The following MAGI1 variants were observed in gnomAD, a reference collection of about 807,000 sequenced individuals.
MAGI1 encodes membrane-associated guanylate kinase, WW and PDZ domain-containing protein 1.
In MAGI1, 58 loss-of-function variants were observed where a neutral mutation model predicts 139.9. The ratio of observed to expected loss-of-function variants is 0.41; its 90% CI spans 0.34 to 0.52. The LOEUF is 0.52. Among genes scored for constraint, MAGI1 ranks in the 20% least tolerant of loss-of-function variants. MAGI1 has a pLI of 0.12. For missense variants in MAGI1, 1,874 were observed against 1,901.6 expected (o/e 0.99, Z 0.27); for synonymous variants, 812 against 737.9 (o/e 1.10, Z -1.63).
intron 2 of MAGI1, among the ~76,000 whole-genome samples, chr3:65,519,273 T>C (rs974143941): frequency 1.3e-5 from 2 of 151,678 alleles, no homozygotes; most frequent in African/African-American, 4.8e-5. Flanking sequence ...ATAAGGACTT[T>C]GTATCTTATG....
chr3:65,480,463 A>G (rs1951203414), intron 3 of MAGI1, among the ~76,000 whole-genome samples: 1 of 151,948 alleles, frequency 6.6e-6, no homozygotes, highest in Non-Finnish European at 1.5e-5. Flanking sequence ...TAAGCCTGGG[A>G]AGTCAAGGAT....
At chr3:65,740,310 C>A (rs956704450) in intron 1 of MAGI1, among the ~76,000 whole-genome samples, 1 of 152,174 alleles carries the variant, frequency 6.6e-6, no homozygotes, top group African/African-American at 2.4e-5. Context: ...ACTACATTAT[C>A]TTAATTTAAT....
At chr3:65,947,470 C>T (rs989863579) in intron 1 of MAGI1, among the ~76,000 whole-genome samples, 1 of 152,028 alleles carries the variant, frequency 6.6e-6, no homozygotes, top group Non-Finnish European at 1.5e-5. Context: ...ATGAAAACTC[C>T]TATATTTATA....
chr3:65,554,571 A>C (rs1038263017), intron 2 of MAGI1, among the ~76,000 whole-genome samples: 1 of 152,178 alleles, frequency 6.6e-6, no homozygotes, highest in South Asian at 2.1e-4. Context: ...TGCAAAGAAG[A>C]AGCAACACAA....
At chr3:65,431,231 G>C (rs1287321659) in intron 10 of MAGI1, among the ~76,000 whole-genome samples, 1 of 152,158 alleles carries the variant, frequency 6.6e-6, no homozygotes, top group African/African-American at 2.4e-5. Context: ...GAACTGGTCT[G>C]TTTTATGTCT....
At chr3:65,684,265 T>TA (rs576843642) in intron 1 of MAGI1, among the ~76,000 whole-genome samples, 33 of 151,252 alleles carry the variant, frequency 2.2e-4, no homozygotes, top group Middle Eastern at 3.4e-3. Flanking sequence ...AAATTTAAAT[T>TA]AAAAAAAACA....
At chr3:65,359,163 G>C in intron 22 of MAGI1, 2 of 1,612,684 alleles carry the variant, frequency 1.2e-6, no homozygotes, top group Non-Finnish European at 1.7e-6. Context: ...CTGTGGAAGG[G>C]AGGGCCCAGC....
At chr3:65,662,910 T>C (rs1229249033) in intron 1 of MAGI1, among the ~76,000 whole-genome samples, 2 of 152,168 alleles carry the variant, frequency 1.3e-5, no homozygotes, top group African/African-American at 2.4e-5. Flanking sequence ...GTTTTGTTCA[T>C]TGTTTTCCTA....
intron 1 of MAGI1, among the ~76,000 whole-genome samples, chr3:65,983,851 A>G (rs1033729758): frequency 1.3e-5 from 2 of 152,226 alleles, no homozygotes; most frequent in Non-Finnish European, 2.9e-5. Flanking sequence ...TACTCACCCC[A>G]TAAGGTGATT....
At chr3:65,538,720 C>T (rs2079069887) in intron 2 of MAGI1, among the ~76,000 whole-genome samples, 1 of 152,076 alleles carries the variant, frequency 6.6e-6, no homozygotes, top group South Asian at 2.1e-4. Flanking sequence ...ATATCCACAC[C>T]AGACGGACAG....
At chr3:65,450,238 C>G (rs73832850) in intron 6 of MAGI1, among the ~76,000 whole-genome samples, 121 of 152,128 alleles carry the variant, frequency 8.0e-4, no homozygotes, top group African/African-American at 2.8e-3. Context: ...CTAAGCAGAC[C>G]CTGTGGAGGT....
chr3:65,614,954 G>A (rs1346189650), intron 2 of MAGI1, among the ~76,000 whole-genome samples: 2 of 151,542 alleles, frequency 1.3e-5, no homozygotes, highest in African/African-American at 4.9e-5. Context: ...CCCAGGAGTT[G>A]GATGCTGCAC....
At chr3:65,481,369 G>A (rs1951275726) in intron 3 of MAGI1, among the ~76,000 whole-genome samples, 1 of 152,158 alleles carries the variant, frequency 6.6e-6, no homozygotes, top group South Asian at 2.1e-4. Flanking sequence ...CATTGAAGGT[G>A]TAAGTAACTA....
chr3:65,482,201 T>C (rs1000418777), intron 3 of MAGI1, among the ~76,000 whole-genome samples: 2 of 152,218 alleles, frequency 1.3e-5, no homozygotes, highest in South Asian at 2.1e-4. Context: ...GGCCAGTCTT[T>C]GTCCGCCTTT....
At position 65,881,463 on chromosome 3, in the gene MAGI1, A is replaced by C. The variant is rs193205820; in HGVS notation, c.313+156533T>G. 1.4e-3 allele frequency among the ~76,000 whole-genome samples: 218 copies of C among 152,022 alleles called. 4 individuals are homozygous for C. Among genetic ancestry groups the C allele is most frequent in the South Asian group, 4.2e-3 (20 of 4,812 alleles). ...GCAGGGTGGCAAGACCCCATCTCTA[A>C]AAAATTTTTTGTAATTAGCTGGGCA... On this transcript the variant is annotated intron_variant, in intron 1 of 22. Transcript: ENST00000402939.
intron 12 of MAGI1, chr3:65,401,940 T>C: frequency 2.0e-6 from 2 of 979,900 alleles, no homozygotes; most frequent in Non-Finnish European, 2.4e-6. Flanking sequence ...AAAAAATTTT[T>C]TTGGTCTTTT....
At chr3:65,750,549 T>C (rs1208846035) in intron 1 of MAGI1, among the ~76,000 whole-genome samples, 1 of 152,238 alleles carries the variant, frequency 6.6e-6, no homozygotes, top group Non-Finnish European at 1.5e-5. Flanking sequence ...TAGAAACATA[T>C]GCAATGTAAT....
At chr3:65,522,257 G>C (rs56123626) in intron 2 of MAGI1, among the ~76,000 whole-genome samples, 26,690 of 152,122 alleles carry the variant, frequency 0.18, 2,374 homozygotes, top group South Asian at 0.26. Flanking sequence ...TATTAATTGA[G>C]AGTTTCCAAA....
intron 1 of MAGI1, among the ~76,000 whole-genome samples, chr3:65,782,987 T>C (rs888699329): frequency 6.6e-6 from 1 of 150,424 alleles, no homozygotes; most frequent in Non-Finnish European, 1.5e-5. Flanking sequence ...AAAGCACCTT[T>C]AAAAACAAAA....
Sources: gnomAD v4.1 joint callset for allele counts (sites outside exome capture counted in the v4.1 genomes callset) on GRCh38, gnomAD v4.1.1 for gene constraint, MANE v1.5 for transcripts, NCBI Gene and HGNC (gene_info 2026-07-23, HGNC 2026-07-21) for gene names.